The following EP400 variants were observed in gnomAD, a reference collection of about 807,000 sequenced individuals.
EP400 encodes E1A-binding protein p400.
EP400 carries 105 observed loss-of-function variants against 354.1 expected under a neutral mutation model. The ratio of observed to expected loss-of-function variants is 0.30; its 90% CI spans 0.25 to 0.35. EP400 has a LOEUF of 0.35. Among genes scored for constraint, EP400 ranks in the 10% least tolerant of loss-of-function variants. EP400 has a pLI of 1.00. For synonymous variants in EP400, 1,646 were observed against 1,716.9 expected, an observed-to-expected ratio of 0.96 and a Z score of 1.02; for missense variants, 3,280 against 4,121.0, an observed-to-expected ratio of 0.80 and a Z score of 5.59.
chr12:132,011,777 G>C (rs182328110), intron 16 of EP400, 143 bp downstream of exon 16: 1 of 1,139,756 alleles, frequency 8.8e-7, no homozygotes, highest in Non-Finnish European at 1.2e-6. Context: ...CCTTTATGTT[G>C]TTCCCCTCGA....
intron 1 of EP400, among the ~76,000 whole-genome samples, chr12:131,950,478 G>C (rs868393726): frequency 2.0e-5 from 3 of 152,274 alleles, no homozygotes; most frequent in Middle Eastern, 3.4e-3. Flanking sequence ...GCGGGGATGG[G>C]ACGTCCAGAA....
chr12:131,981,943 T>G, intron 4 of EP400, 150 bp from the exon 5 acceptor site: 2 of 1,055,820 alleles, frequency 1.9e-6, no homozygotes, highest in Non-Finnish European at 2.7e-6. Flanking sequence ...TCTCTTTCCT[T>G]TTGTGTGTGC....
intron 1 of EP400, among the ~76,000 whole-genome samples, chr12:131,953,746 TATC>T (rs1440245257): frequency 1.1e-4 from 16 of 152,252 alleles, no homozygotes; most frequent in African/African-American, 3.6e-4. Context: ...CATCTAGTGT[TATC>T]ATCTTATATT....
At chr12:132,016,275 G>A (rs1482757493) in intron 19 of EP400, among the ~76,000 whole-genome samples, 1 of 152,170 alleles carries the variant, frequency 6.6e-6, no homozygotes, top group African/African-American at 2.4e-5. Flanking sequence ...CAGCCCCCAT[G>A]CAATGTGCTC....
chr12:131,991,563 C>A, intron 10 of EP400, 107 bp downstream of exon 10: 19 of 913,704 alleles, frequency 2.1e-5, no homozygotes, highest in Non-Finnish European at 3.1e-5. Context: ...GTGACTATTA[C>A]TTCCTTTCTT....
chr12:131,986,867 A>T, intron 6 of EP400, 60 bp downstream of exon 6: 1 of 1,527,226 alleles, frequency 6.5e-7, no homozygotes, highest in East Asian at 2.3e-5. Context: ...ATTTAGTTTT[A>T]ATTGTCAAGA....
chr12:132,014,547 T>G (rs1304069005), intron 19 of EP400, among the ~76,000 whole-genome samples: 3 of 152,100 alleles, frequency 2.0e-5, no homozygotes, highest in Non-Finnish European at 2.9e-5. Context: ...TGAGTTTAGA[T>G]GAAAAAAACA....
In EP400 at chr12:131,992,157, C is replaced by T. The variant is rs1893060889; in HGVS notation, c.2680-16C>T. 1.9e-6 allele frequency: 3 copies of T among 1,604,256 alleles called. No individual in the cohort carries two copies. In the East Asian group the frequency reaches 6.7e-5, roughly 36 times the overall value. On this transcript the variant is annotated splice_polypyrimidine_tract_variant and intron_variant, in intron 10 of 52. Transcript: ENST00000389561. ...TTTGGATCTCATGCTTGTGGTTTTTCTTTCTTTTCTTTCAGGATTCAGGAA... is the reference window on the plus strand; with the variant it reads ...TTTGGATCTCATGCTTGTGGTTTTTTTTTCTTTTCTTTCAGGATTCAGGAA...
At chr12:131,962,326 G>A (rs1451891880) in intron 2 of EP400, among the ~76,000 whole-genome samples, 2 of 152,212 alleles carry the variant, frequency 1.3e-5, no homozygotes, top group African/African-American at 4.8e-5. Flanking sequence ...GCTGACAGCT[G>A]TCACCAGCCA....
Position 132,018,418 on chromosome 12 carries a change from G to A in EP400, c.4277+42G>A, listed in dbSNP as rs1481818812. 6.4e-7 allele frequency: 1 copy of A among 1,563,642 alleles called. No homozygotes were observed. The highest frequency in any genetic ancestry group is 1.2e-5 in the South Asian group (1 of 82,954). On this transcript the variant is annotated intron_variant, in intron 21 of 52. Coordinates refer to ENST00000389561, the MANE Select transcript of EP400 (RefSeq NM_015409.5). The surrounding 1 kb of genome is among the most constrained non-coding windows in gnomAD (Gnocchi z 4.0). Reference sequence around the variant, plus strand: ...GGCAGCGGGGAGGGTTGGCTCCCAGGGCCCCCACAGCTGACCCAGGTCTAT... The same window carrying A: ...GGCAGCGGGGAGGGTTGGCTCCCAGAGCCCCCACAGCTGACCCAGGTCTAT...
chr12:132,066,983 C>T lies in EP400; in HGVS notation c.8749+14C>T. 5 of 1,580,822 alleles carry T rather than the reference C, an allele frequency of 3.2e-6. No individual in the cohort carries two copies. The highest frequency in any genetic ancestry group is 4.3e-6 in the Non-Finnish European group (5 of 1,163,594). On this transcript the variant is annotated intron_variant, in intron 49 of 52. Transcript: ENST00000389561. ...AGAAGGCAGCAGGTGCCCGCCCCAG[C>T]ACACCCTCCCGTCCTGGGCTTGAGC...
intron 32 of EP400, among the ~76,000 whole-genome samples, chr12:132,039,048 C>T (rs1894808362): frequency 6.6e-6 from 1 of 152,144 alleles, no homozygotes; most frequent in Non-Finnish European, 1.5e-5. Flanking sequence ...CACAGCCCCT[C>T]AGCACCTGTC....
chr12:132,010,663 C>A (rs1473426171), intron 15 of EP400, among the ~76,000 whole-genome samples: 1 of 152,144 alleles, frequency 6.6e-6, no homozygotes, highest in Non-Finnish European at 1.5e-5. Flanking sequence ...GTTTTCTCGC[C>A]AGGCTTGGTG....
In EP400 at chr12:132,038,222, C is replaced by G. The variant is rs1267365331; in HGVS notation, c.6207+126C>G. 1 of 1,246,732 alleles carries G rather than the reference C, an allele frequency of 8.0e-7. No individual in the cohort carries two copies. Among genetic ancestry groups the G allele is most frequent in the African/African-American group, 1.5e-5 (1 of 66,118 alleles). The allele number at this position is 1,246,732 out of a possible 1,614,324, so 77.2% of individuals were successfully genotyped here. Reference sequence around the variant, plus strand: ...CTGGCCTGAAGCCCTCTTCCCGTCCCTGCTTTTGGAACCTCCCCACTCCCT... The same window carrying G: ...CTGGCCTGAAGCCCTCTTCCCGTCCGTGCTTTTGGAACCTCCCCACTCCCT... On this transcript the variant is annotated intron_variant, in intron 32 of 52. Coordinates refer to ENST00000389561, the MANE Select transcript of EP400 (RefSeq NM_015409.5). This position sits in a 1 kb window ranked among gnomAD's most constrained non-coding sequence, Gnocchi z 4.2.
At position 131,961,477 on chromosome 12, in the gene EP400, G is replaced by A. The variant is rs577209746; in HGVS notation, c.858G>A (p.Pro286=). ...LVQQQQVLQG[P]PLPRPLGFER... ...AGCAGCAGCAGGTGCTGCAGGGGCC[G>A]CCGCTGCCCCGGCCCCTGGGCTTCG... The change falls in exon 2 of 53, where the codon CCG becomes CCA. Residue 286 remains proline, a synonymous_variant. Coordinates refer to ENST00000389561, the MANE Select transcript of EP400 (RefSeq NM_015409.5). 925 of 1,559,436 alleles carry A rather than the reference G, an allele frequency of 5.9e-4. 7 individuals are homozygous for A. The African/African-American group carries it at 6.0e-3, about 10-fold the overall frequency.
intron 16 of EP400, 120 bp from the exon 17 acceptor site, chr12:132,012,889 G>C (rs1049977455): frequency 9.4e-7 from 1 of 1,061,772 alleles, no homozygotes; most frequent in African/African-American, 1.6e-5. Context: ...AAAAAAGCAA[G>C]TAAAATTATA....
intron 12 of EP400, 146 bp downstream of exon 12, chr12:131,995,102 T>C (rs1371571453): frequency 2.8e-6 from 2 of 710,140 alleles, no homozygotes; most frequent in East Asian, 6.0e-5. Context: ...TGCTGCTCTC[T>C]CTCCTGACCT....
intron 15 of EP400, among the ~76,000 whole-genome samples, chr12:132,009,915 T>A (rs973429060): frequency 1.6e-4 from 23 of 141,634 alleles, no homozygotes; most frequent in African/African-American, 6.3e-4. Context: ...CCTCAAAAGA[T>A]CCTCCTGCCT....
intron 16 of EP400, among the ~76,000 whole-genome samples, chr12:132,012,753 C>G (rs1593345938): frequency 6.6e-6 from 1 of 152,146 alleles, no homozygotes; most frequent in Admixed American, 6.5e-5. Context: ...CAGTATTTTC[C>G]AAATGGTAAT....
Sources: gnomAD v4.1 joint callset for allele counts (sites outside exome capture counted in the v4.1 genomes callset) on GRCh38, gnomAD v4.1.1 for gene constraint, Gnocchi (gnomAD v3.1) non-coding constraint, MANE v1.5 for transcripts, NCBI Gene and HGNC (gene_info 2026-07-23, HGNC 2026-07-21) for gene names.